IST1: variants seen among roughly 807,000 people sequenced by gnomAD.
IST1 encodes IST1 factor associated with ESCRT-III.
IST1 carries 23 observed loss-of-function variants against 37.0 expected under a neutral mutation model. The ratio of observed to expected loss-of-function variants is 0.62; its 90% CI spans 0.45 to 0.88. IST1 has a LOEUF of 0.88. IST1 is among the 40% of genes least tolerant of loss of function. IST1 has a pLI of 0.00. For missense variants in IST1, 488 were observed against 445.4 expected (o/e 1.10, Z -0.86); for synonymous variants, 180 against 161.7 (o/e 1.11, Z -0.86).
At chr16:71,911,294 G>A (rs894066656) in intron 1 of IST1, among the ~76,000 whole-genome samples, 5 of 151,806 alleles carry the variant, frequency 3.3e-5, no homozygotes, top group South Asian at 2.1e-4. Flanking sequence ...TCATTTGTTC[G>A]GCAGTTATTA....
intron 1 of IST1, among the ~76,000 whole-genome samples, chr16:71,901,036 T>G (rs182952379): frequency 1.3e-5 from 2 of 152,184 alleles, no homozygotes; most frequent in Non-Finnish European, 2.9e-5. Flanking sequence ...TATAAAAATT[T>G]GTTTATGTTT....
chr16:71,929,282 C>G lies in IST1; in HGVS notation c.*1469C>G, dbSNP rs773562611. 4.3e-5 allele frequency: 14 copies of G among 322,848 alleles called. No homozygotes were observed. Among genetic ancestry groups the G allele is most frequent in the Non-Finnish European group, 6.8e-5 (12 of 176,436 alleles). The allele number at this position is 322,848 out of a possible 1,614,324, so 20.0% of individuals were successfully genotyped here. On this transcript the variant is annotated 3_prime_UTR_variant, in exon 10 of 10. Coordinates refer to ENST00000378799, the MANE Select transcript of IST1 (RefSeq NM_001270975.2). The stretch of plus-strand genomic sequence containing the variant: ...AGCTCACTTCTGACTGCTTCATTTC[C>G]CGCAGCCATCCTGGGCCATGGGTGG...
chr16:71,931,180 A>G lies in IST1; in HGVS notation c.*3367A>G, dbSNP rs886363584. On this transcript the variant is annotated 3_prime_UTR_variant, in exon 10 of 10. Transcript: ENST00000378799. ...CAGAAAAGTTCCTTTTTTATCCCCA[A>G]AAGGAGGTGTCAGCAAAAATTTGTT... 1 of 152,038 alleles carries G rather than the reference A, an allele frequency of 6.6e-6. No homozygotes were observed. Among genetic ancestry groups the G allele is most frequent in the Non-Finnish European group, 1.5e-5 (1 of 68,032 alleles). The allele number at this position is 152,038 out of a possible 1,614,324, so 9.4% of individuals were successfully genotyped here.
At chr16:71,924,657 G>T in intron 8 of IST1, 112 bp from the exon 9 acceptor site, 2 of 797,894 alleles carry the variant, frequency 2.5e-6, no homozygotes, top group South Asian at 1.4e-5. Context: ...TTTGGAACAG[G>T]CTCTGTTGCA....
At chr16:71,907,939 C>T (rs1023750024) in intron 1 of IST1, among the ~76,000 whole-genome samples, 1 of 151,982 alleles carries the variant, frequency 6.6e-6, no homozygotes, top group African/African-American at 2.4e-5. Flanking sequence ...GATTTGTCTC[C>T]TCTTTATGTC....
Position 71,922,567 on chromosome 16 carries a change from G to A in IST1, c.646G>A (p.Gly216Ser). ...KGGPGRGGSG[G>S]FTAPVGGPDG... is the part of the protein sequence containing the mutation. ...AGGCCCTGGAAGAGGAGGGAGTGGT[G>A]GCTTCACAGCACCAGTTGGTGGACC... The change falls in exon 7 of 10, where the codon GGC becomes AGC. Residue 216 changes from glycine (G) to serine (S), a missense_variant. Physicochemically the swap from Gly to Ser is moderately conservative, Grantham distance 56. This residue lies in a region of IST1 where 455 missense variants were observed against 386.2 expected (regional missense o/e 1.18). Transcript: ENST00000378799. 2 of 1,614,140 alleles carry A rather than the reference G, an allele frequency of 1.2e-6. No homozygotes were observed. The highest frequency in any genetic ancestry group is 8.5e-7 in the Non-Finnish European group (1 of 1,180,008).
At chr16:71,901,497 G>T (rs2037108086) in intron 1 of IST1, among the ~76,000 whole-genome samples, 1 of 152,222 alleles carries the variant, frequency 6.6e-6, no homozygotes, top group Admixed American at 6.5e-5. Context: ...ACAGGTGTGA[G>T]CCACCGCGCC....
At chr16:71,909,203 G>A (rs563282017) in intron 1 of IST1, among the ~76,000 whole-genome samples, 19 of 149,032 alleles carry the variant, frequency 1.3e-4, no homozygotes, top group African/African-American at 4.6e-4. Context: ...GACCTCCTGG[G>A]TGCAAGTGAG....
intron 4 of IST1, among the ~76,000 whole-genome samples, chr16:71,919,366 A>G (rs985874352): frequency 1.3e-5 from 2 of 151,936 alleles, no homozygotes; most frequent in African/African-American, 4.8e-5. Context: ...TTCCTTCCCT[A>G]TTTAGTTAAC....
chr16:71,895,671 C>G (rs1313698818), intron 1 of IST1, 82 bp downstream of exon 1: 1 of 526,758 alleles, frequency 1.9e-6, no homozygotes, highest in Non-Finnish European at 2.4e-6. Flanking sequence ...CTAGTTAGCG[C>G]TAGGGCCCGG....
chr16:71,920,981 A>G (rs958652442), intron 5 of IST1, 159 bp downstream of exon 5: 20 of 685,032 alleles, frequency 2.9e-5, no homozygotes, highest in African/African-American at 5.3e-5. Flanking sequence ...GTGTGGTCCA[A>G]TCCTTACACC....
rs2037823855 is a variant in IST1, at chr16:71,929,101, A to G, written c.*1288A>G. The G allele has an allele frequency of 6.5e-6, 1 of 154,182 alleles. No homozygotes were observed. Among genetic ancestry groups the G allele is most frequent in the Non-Finnish European group, 1.4e-5 (1 of 69,328 alleles). The allele number at this position is 154,182 out of a possible 1,614,324, so 9.6% of individuals were successfully genotyped here. A position where few individuals can be genotyped will look rare whatever the true frequency, so the allele number is the denominator to read the frequency against. ...AAGTGATCCATGTAAACCAGCCCTT[A>G]GTTTCAGGATTCCTGGAGCAGTACA... On this transcript the variant is annotated 3_prime_UTR_variant, in exon 10 of 10. Transcript: ENST00000378799.
chr16:71,930,197 AAG>A lies in IST1; in HGVS notation c.*2386_*2387del. On this transcript the variant is annotated 3_prime_UTR_variant, in exon 10 of 10. Transcript: ENST00000378799. ...TAAAGCGAAAACCTGGGAAAACAAT[AAG>A]AACACTTGCAGTGACTGACAATTTA... 6.5e-7 allele frequency: 1 copy of A among 1,538,646 alleles called. No individual in the cohort carries two copies. The highest frequency in any genetic ancestry group is 2.4e-5 in the East Asian group (1 of 40,852).
At position 71,929,461 on chromosome 16, in the gene IST1, A is replaced by G; in HGVS notation, c.*1648A>G. The stretch of plus-strand genomic sequence containing the variant: ...TACAGAATTAAAAACAAAGTATATT[A>G]TAATTTTAAAGCTATGCCATGCAAA... On this transcript the variant is annotated 3_prime_UTR_variant, in exon 10 of 10. Coordinates refer to ENST00000378799, the MANE Select transcript of IST1 (RefSeq NM_001270975.2). 7.4e-7 allele frequency: 1 copy of G among 1,349,412 alleles called. No homozygotes were observed. Among genetic ancestry groups the G allele is most frequent in the African/African-American group, 1.5e-5 (1 of 67,370 alleles). The allele number at this position is 1,349,412 out of a possible 1,614,324, so 83.6% of individuals were successfully genotyped here. A position where few individuals can be genotyped will look rare whatever the true frequency, so the allele number is the denominator to read the frequency against.
In IST1 at chr16:71,929,454, G is replaced by C; in HGVS notation, c.*1641G>C. On this transcript the variant is annotated 3_prime_UTR_variant, in exon 10 of 10. Transcript: ENST00000378799. ...CCTAACTTACAGAATTAAAAACAAAGTATATTATAATTTTAAAGCTATGCC... is the reference window on the plus strand; with the variant it reads ...CCTAACTTACAGAATTAAAAACAAACTATATTATAATTTTAAAGCTATGCC... 1 of 1,309,320 alleles carries C rather than the reference G, an allele frequency of 7.6e-7. No homozygotes were observed. Among genetic ancestry groups the C allele is most frequent in the South Asian group, 1.6e-5 (1 of 60,930 alleles). 81.1% of individuals were successfully genotyped at this position (1,309,320 alleles called of 1,614,324 possible). A position where few individuals can be genotyped will look rare whatever the true frequency, so the allele number is the denominator to read the frequency against.
chr16:71,921,394 T>C lies in IST1; in HGVS notation c.493T>C (p.Tyr165His). ...CCCACCCAAAATCCTGGTGGAGAGATACCTGATTGAAATTGCAAAGAATTA... is the reference window on the plus strand; with the variant it reads ...CCCACCCAAAATCCTGGTGGAGAGACACCTGATTGAAATTGCAAAGAATTA... ...EAPPKILVER[Y>H]LIEIAKNYNV... The change falls in exon 6 of 10, where the codon TAC becomes CAC. Residue 165 changes from tyrosine to histidine, a missense_variant. This residue lies in a region of IST1 where 455 missense variants were observed against 386.2 expected (regional missense o/e 1.18). Transcript: ENST00000378799. 6.2e-7 allele frequency: 1 copy of C among 1,613,952 alleles called. No individual in the cohort carries two copies. The highest frequency in any genetic ancestry group is 8.5e-7 in the Non-Finnish European group (1 of 1,179,886).
At chr16:71,920,689 A>T in intron 4 of IST1, 50 bp from the exon 5 acceptor site, 1 of 1,302,420 alleles carries the variant, frequency 7.7e-7, no homozygotes, top group Non-Finnish European at 1.1e-6. Flanking sequence ...AGCTTAAAGC[A>T]GTCCGTTGGA....
At chr16:71,907,468 G>A (rs867527828) in intron 1 of IST1, among the ~76,000 whole-genome samples, 10 of 151,856 alleles carry the variant, frequency 6.6e-5, no homozygotes, top group South Asian at 4.2e-4. Context: ...TAGTAGAGAC[G>A]GGGTTTCACT....
chr16:71,908,037 C>T (rs1045081855), intron 1 of IST1, among the ~76,000 whole-genome samples: 1 of 152,058 alleles, frequency 6.6e-6, no homozygotes, highest in African/African-American at 2.4e-5. Flanking sequence ...GTCCGCCTCC[C>T]GGGTTCAAGC....
Sources: gnomAD v4.1 joint callset for allele counts (sites outside exome capture counted in the v4.1 genomes callset) on GRCh38, gnomAD v4.1.1 for gene constraint, gnomAD v4.1.1 regional missense constraint, MANE v1.5 for transcripts, NCBI Gene and HGNC (gene_info 2026-07-23, HGNC 2026-07-21) for gene names.